Variants in CIAO1 observed in about 807,000 individuals in gnomAD.
CIAO1 encodes the protein cytosolic iron-sulfur assembly component 1.
CIAO1 carries 32 observed loss-of-function variants against 43.1 expected under a neutral mutation model. The ratio of observed to expected loss-of-function variants is 0.74; its 90% CI spans 0.56 to 1.00. CIAO1 has a LOEUF of 1.00. CIAO1 is among the 50% of genes least tolerant of loss of function. The pLI, the probability that CIAO1 is intolerant of heterozygous loss-of-function variation, is 0.00. For missense variants in CIAO1, 415 were observed against 437.4 expected (o/e 0.95, Z 0.46); for synonymous variants, 183 against 171.4 (o/e 1.07, Z -0.53).
In CIAO1 at chr2:96,271,042, A is replaced by G. The variant is rs552135803; in HGVS notation, c.780-69A>G. 118 of 1,593,042 alleles carry G rather than the reference A, an allele frequency of 7.4e-5. 1 individual carries two copies. The Admixed American group carries it at 8.9e-4, about 12-fold the overall frequency. ...CTGAAGTTAGGGAAGAGAACAGGCC[A>G]GGAACTATGGAACAGGTCTCTCTGG... On this transcript the variant is annotated intron_variant, in intron 6 of 6. Coordinates refer to ENST00000488633, the MANE Select transcript of CIAO1 (RefSeq NM_004804.3).
Position 96,267,639 on chromosome 2 carries a change from C to A in CIAO1, c.303C>A (p.Leu101=). The A allele has an allele frequency of 6.2e-7, 1 of 1,614,052 alleles. No individual in the cohort carries two copies. Among genetic ancestry groups the A allele is most frequent in the Non-Finnish European group, 8.5e-7 (1 of 1,179,978 alleles). The change falls in exon 3 of 7, where the codon CTC becomes CTA. Residue 101 remains leucine, a synonymous_variant. Coordinates refer to ENST00000488633, the MANE Select transcript of CIAO1 (RefSeq NM_004804.3). ...CCCTTTCACAGTGTGTAACCACTCT[C>A]GAGGGCCATGAAAATGAGGTCAAGT... ...NQDDFECVTT[L]EGHENEVKSV...
chr2:96,272,351 G>A lies in CIAO1; in HGVS notation c.*1000G>A, dbSNP rs1684569197. ...GGACAGTGGGGCTGTACCTAGAATA[G>A]TGGTTCTCGAAGAATGCGGCCTGCA... On this transcript the variant is annotated 3_prime_UTR_variant, in exon 7 of 7. Coordinates refer to ENST00000488633, the MANE Select transcript of CIAO1 (RefSeq NM_004804.3). 1 of 152,248 alleles carries A rather than the reference G, an allele frequency of 6.6e-6. No individual in the cohort carries two copies. Among genetic ancestry groups the A allele is most frequent in the African/African-American group, 2.4e-5 (1 of 41,464 alleles). The allele number at this position is 152,248 out of a possible 1,614,324, so 9.4% of individuals were successfully genotyped here.
rs545092885 is a variant in CIAO1 at position 96,273,519 on chromosome 2, G to A, written c.*2168G>A. Among the ~76,000 whole-genome samples, 17 of 152,054 alleles carry A rather than the reference G, an allele frequency of 1.1e-4. No individual in the cohort carries two copies. The highest frequency in any genetic ancestry group is 4.2e-4 in the South Asian group (2 of 4,816). The stretch of plus-strand genomic sequence containing the variant: ...TCTACTAAAATTACAAAAATTAGCC[G>A]GGCGTGGTGGCAGATCCCTTGTAGT... On this transcript the variant is annotated 3_prime_UTR_variant, in exon 7 of 7. Transcript: ENST00000488633.
At position 96,267,385 on chromosome 2, in the gene CIAO1, C is replaced by G. The variant is rs761322744; in HGVS notation, c.204C>G (p.Ala68=). The part of the protein sequence containing the change: ...EGHQRTVRKV[A]WSPCGNYLAS... ...ACCAGCGCACCGTGCGGAAGGTAGC[C>G]TGGTCCCCCTGCGGTAATTACCTGG... Residue 68 remains alanine, a synonymous_variant, in exon 2 of 7, where the codon GCC becomes GCG. Coordinates refer to ENST00000488633, the MANE Select transcript of CIAO1 (RefSeq NM_004804.3). The G allele has an allele frequency of 3.7e-6, 6 of 1,614,198 alleles. No individual in the cohort carries two copies. Among genetic ancestry groups the G allele is most frequent in the Non-Finnish European group, 5.1e-6 (6 of 1,180,038 alleles).
chr2:96,272,654 T>C lies in CIAO1; in HGVS notation c.*1303T>C, dbSNP rs1385653942. 8 of 151,792 alleles carry C rather than the reference T, an allele frequency of 5.3e-5. No homozygotes were observed. Among genetic ancestry groups the C allele is most frequent in the Non-Finnish European group, 1.2e-4 (8 of 68,002 alleles). The allele number at this position is 151,792 out of a possible 1,614,324, so 9.4% of individuals were successfully genotyped here. On this transcript the variant is annotated 3_prime_UTR_variant, in exon 7 of 7. Transcript: ENST00000488633. ...GGAGAAACCCCGTCTCTTCTAAAAA[T>C]ACAAAATTAGCTGGGCATGGTGGTG...
rs1684555820 is a variant in CIAO1 at position 96,271,763 on chromosome 2, T to G, written c.*412T>G. ...ATATTCATAAAAATTCCATGGTGAA[T>G]CCTTGTCTGAAATAGGTCCTCCCTT... is the stretch of plus-strand genomic sequence containing the variant. On this transcript the variant is annotated 3_prime_UTR_variant, in exon 7 of 7. Transcript: ENST00000488633. 6.3e-6 allele frequency: 1 copy of G among 158,850 alleles called. No individual in the cohort carries two copies. The highest frequency in any genetic ancestry group is 1.4e-5 in the Non-Finnish European group (1 of 72,064). The allele number at this position is 158,850 out of a possible 1,614,324, so 9.8% of individuals were successfully genotyped here.
In CIAO1 at chr2:96,267,438, G is replaced by C. The variant is rs1482834095; in HGVS notation, c.257G>C (p.Cys86Ser). Reference protein sequence around the residue: ...LASASFDATTCIWKKNQDDFE... With the variant: ...LASASFDATTSIWKKNQDDFE... Reference sequence around the variant, plus strand: ...TCTGCCAGCTTTGATGCTACCACTTGCATTTGGAAGAAGAACCAGGATGAC... The same window carrying C: ...TCTGCCAGCTTTGATGCTACCACTTCCATTTGGAAGAAGAACCAGGATGAC... Residue 86 changes from cysteine (C) to serine (S), a missense_variant, in exon 2 of 7, where the codon TGC becomes TCC. Cys to Ser is a moderately radical substitution (Grantham distance 112, BLOSUM62 -1). Transcript: ENST00000488633. The C allele has an allele frequency of 3.1e-6, 5 of 1,614,088 alleles. No homozygotes were observed. The South Asian group carries it at 4.4e-5, about 14-fold the overall frequency.
intron 4 of CIAO1, 174 bp downstream of exon 4, chr2:96,268,098 A>T: frequency 1.5e-6 from 1 of 652,012 alleles, no homozygotes; most frequent in Non-Finnish European, 2.7e-6. Context: ...TCACACCTAT[A>T]ATCTCAGCAC....
Position 96,269,336 on chromosome 2 carries a change from A to T in CIAO1, c.760A>T (p.Thr254Ser). The change falls in exon 6 of 7, where the codon ACC (threonine) becomes TCC (serine). Residue 254 changes from threonine (T) to serine (S), a missense_variant. Coordinates refer to ENST00000488633, the MANE Select transcript of CIAO1 (RefSeq NM_004804.3). ...TACTTTGTCCGGCTTCCACTCAAGG[A>T]CCATTTATGACATTGCTTGGTAAGA... ...ICTLSGFHSR[T>S]IYDIAWCQLT... is the part of the protein sequence containing the mutation. 1 of 1,614,054 alleles carries T rather than the reference A, an allele frequency of 6.2e-7. No individual in the cohort carries two copies. Among genetic ancestry groups the T allele is most frequent in the South Asian group, 1.1e-5 (1 of 91,068 alleles).
intron 1 of CIAO1, among the ~76,000 whole-genome samples, chr2:96,266,861 G>A (rs1234431857): frequency 6.6e-6 from 1 of 152,178 alleles, no homozygotes; most frequent in African/African-American, 2.4e-5. Context: ...GAGGTTGGGC[G>A]CGGTGGCTCA....
intron 6 of CIAO1, among the ~76,000 whole-genome samples, chr2:96,270,597 G>T (rs1216974034): frequency 6.6e-6 from 1 of 152,028 alleles, no homozygotes; most frequent in Admixed American, 6.6e-5. Flanking sequence ...ATCACTTGAG[G>T]TCTGGAGTTT....
chr2:96,269,609 A>G (rs950907191), intron 6 of CIAO1, among the ~76,000 whole-genome samples: 3 of 152,110 alleles, frequency 2.0e-5, no homozygotes, highest in African/African-American at 4.8e-5. Context: ...GCTGTCCAGA[A>G]GTTATTATTG....
chr2:96,267,545 C>G, intron 2 of CIAO1, 76 bp downstream of exon 2: 1 of 1,607,314 alleles, frequency 6.2e-7, no homozygotes, highest in Non-Finnish European at 8.5e-7. Flanking sequence ...AGCCAACCTG[C>G]GCCAGTTGGG....
At position 96,271,124 on chromosome 2, in the gene CIAO1, G is replaced by C; in HGVS notation, c.793G>C (p.Gly265Arg). 1 of 1,614,092 alleles carries C rather than the reference G, an allele frequency of 6.2e-7. No homozygotes were observed. The highest frequency in any genetic ancestry group is 1.7e-5 in the Admixed American group (1 of 60,028). Residue 265 changes from glycine (G) to arginine (R), a missense_variant, in exon 7 of 7, where the codon GGG becomes CGG. Transcript: ENST00000488633. Reference protein sequence around the residue: ...IYDIAWCQLTGALATACGDDA... With the variant: ...IYDIAWCQLTRALATACGDDA... ...CTTTCCTTCCAGGTGTCAGCTGACA[G>C]GGGCTCTGGCCACAGCTTGTGGGGA...
At position 96,271,401 on chromosome 2, in the gene CIAO1, A is replaced by G. The variant is rs768947487; in HGVS notation, c.*50A>G. 1.9e-6 allele frequency: 3 copies of G among 1,590,474 alleles called. No homozygotes were observed. In the Admixed American group the frequency reaches 5.1e-5, roughly 27 times the overall value. On this transcript the variant is annotated 3_prime_UTR_variant, in exon 7 of 7. Transcript: ENST00000488633. ...ATGACTCCCCAGAAAACGTCATATA[A>G]GACTTTACCAGCCCCTGAGAGGACC... is the stretch of plus-strand genomic sequence containing the variant.
chr2:96,269,719 C>T (rs961865733), intron 6 of CIAO1, among the ~76,000 whole-genome samples: 3 of 152,164 alleles, frequency 2.0e-5, no homozygotes, highest in Non-Finnish European at 4.4e-5. Flanking sequence ...GTGATCTCAT[C>T]TCACTGCAAG....
In CIAO1 at chr2:96,266,335, C is replaced by G; in HGVS notation, c.-16C>G. On this transcript the variant is annotated 5_prime_UTR_variant, in exon 1 of 7. Transcript: ENST00000488633. The stretch of plus-strand genomic sequence containing the variant: ...CGGACTCTGCCCGCCCCCACCTCCC[C>G]CTGCGTCGGGCCGACATGAAGGACT... 1.4e-6 allele frequency: 2 copies of G among 1,394,844 alleles called. No individual in the cohort carries two copies. The highest frequency in any genetic ancestry group is 1.5e-5 in the South Asian group (1 of 66,516). 86.4% of individuals were successfully genotyped at this position (1,394,844 alleles called of 1,614,324 possible).
rs780780486 is a variant in CIAO1 at position 96,271,150 on chromosome 2, T to C, written c.819T>C (p.Asp273=). The C allele has an allele frequency of 6.2e-7, 1 of 1,614,226 alleles. No homozygotes were observed. Among genetic ancestry groups the C allele is most frequent in the South Asian group, 1.1e-5 (1 of 91,084 alleles). Residue 273 remains aspartate, a synonymous_variant, in exon 7 of 7, where the codon GAT becomes GAC. Transcript: ENST00000488633. ...GGGCTCTGGCCACAGCTTGTGGGGA[T>C]GACGCGATCCGCGTGTTTCAGGAGG... ...LTGALATACG[D]DAIRVFQEDP...
chr2:96,266,232 G>A lies in CIAO1; in HGVS notation c.-119G>A. On this transcript the variant is annotated 5_prime_UTR_variant, in exon 1 of 7. Coordinates refer to ENST00000488633, the MANE Select transcript of CIAO1 (RefSeq NM_004804.3). ...GGGCGACCCAGGTCCTCCGGCGGAAGCGGGAGCCTCTGTCGGCCGCGGAAG... is the reference window on the plus strand; with the variant it reads ...GGGCGACCCAGGTCCTCCGGCGGAAACGGGAGCCTCTGTCGGCCGCGGAAG... 2 of 1,169,668 alleles carry A rather than the reference G, an allele frequency of 1.7e-6. No individual in the cohort carries two copies. The highest frequency in any genetic ancestry group is 2.2e-6 in the Non-Finnish European group (2 of 915,710). 72.5% of individuals were successfully genotyped at this position (1,169,668 alleles called of 1,614,324 possible). A position where few individuals can be genotyped will look rare whatever the true frequency, so the allele number is the denominator to read the frequency against.
Sources: gnomAD v4.1 joint callset for allele counts (sites outside exome capture counted in the v4.1 genomes callset) on GRCh38, gnomAD v4.1.1 for gene constraint, MANE v1.5 for transcripts, NCBI Gene and HGNC (gene_info 2026-07-23, HGNC 2026-07-21) for gene names.